PDE2A: variants seen among roughly 807,000 people sequenced by gnomAD.
The protein encoded by PDE2A is phosphodiesterase 2A.
A neutral mutation model predicts 133.6 loss-of-function variants in PDE2A; 53 were observed. The observed-to-expected ratio is 0.40, with a 90% CI of 0.32 to 0.50. The LOEUF is 0.50. PDE2A is among the 20% of genes least tolerant of loss of function. The pLI is 0.73. For missense variants in PDE2A, 796 were observed against 1,232.4 expected, an observed-to-expected ratio of 0.65 and a Z score of 5.30; for synonymous variants, 491 against 490.2, an observed-to-expected ratio of 1.00 and a Z score of -0.02.
intron 23 of PDE2A, 35 bp downstream of exon 23, chr11:72,581,322 T>C: frequency 6.2e-7 from 1 of 1,610,338 alleles, no homozygotes; most frequent in East Asian, 2.2e-5. Context: ...GGGACCCCAG[T>C]GGCTGCCAGA....
chr11:72,606,393 G>A (rs555104190), intron 3 of PDE2A, among the ~76,000 whole-genome samples: 6 of 152,284 alleles, frequency 3.9e-5, no homozygotes, highest in Non-Finnish European at 8.8e-5. Context: ...AGAAGAAGCA[G>A]TTGCCTTCCA....
chr11:72,671,358 C>T (rs77929235), intron 1 of PDE2A, among the ~76,000 whole-genome samples: 110 of 152,302 alleles, frequency 7.2e-4, no homozygotes, highest in African/African-American at 2.6e-3. Context: ...CATGCTGAGT[C>T]GGGAGATTTC....
chr11:72,672,344 C>A (rs1194476020), intron 1 of PDE2A, among the ~76,000 whole-genome samples: 2 of 152,100 alleles, frequency 1.3e-5, no homozygotes, highest in African/African-American at 4.8e-5. Flanking sequence ...CCACCACACC[C>A]AGCTAATTTT....
chr11:72,649,550 T>A (rs925682279), intron 1 of PDE2A, among the ~76,000 whole-genome samples: 1 of 152,246 alleles, frequency 6.6e-6, no homozygotes, highest in Non-Finnish European at 1.5e-5. Context: ...CAGGGACGTC[T>A]GGAAGGTGGG....
Position 72,643,157 on chromosome 11 carries a change from C to T in PDE2A, c.72-831G>A, listed in dbSNP as rs570056769. 6 of 152,392 alleles carry T rather than the reference C, an allele frequency of 3.9e-5. No individual in the cohort carries two copies. The East Asian group carries it at 9.7e-4, about 25-fold the overall frequency. The allele number at this position is 152,392 out of a possible 1,614,324, so 9.4% of individuals were successfully genotyped here. On this transcript the variant is annotated intron_variant, in intron 1 of 30. Transcript: ENST00000334456. ...GGGAGCGCGTTTCTCCGCAGAGCGG[C>T]TTCTGGGTTCAGGAGCCTGCGGCAG...
chr11:72,634,167 C>T (rs527564267), intron 2 of PDE2A, among the ~76,000 whole-genome samples: 2 of 152,202 alleles, frequency 1.3e-5, no homozygotes, highest in African/African-American at 4.8e-5. Flanking sequence ...AGGGAAGGGG[C>T]AGCAGGAGGA....
chr11:72,602,387 T>C (rs1274475172), intron 4 of PDE2A, among the ~76,000 whole-genome samples: 1 of 152,138 alleles, frequency 6.6e-6, no homozygotes, highest in Non-Finnish European at 1.5e-5. Context: ...CTTATCTGTC[T>C]CTATGATCCA....
intron 7 of PDE2A, chr11:72,591,044 T>C: frequency 2.1e-6 from 1 of 481,956 alleles, no homozygotes; most frequent in East Asian, 3.5e-5. Flanking sequence ...TTGGCAACCG[T>C]GTGTATTTAC....
intron 2 of PDE2A, chr11:72,615,187 C>A: frequency 2.3e-6 from 1 of 430,884 alleles, no homozygotes; most frequent in Non-Finnish European, 5.3e-6. Flanking sequence ...CCTGACCCCA[C>A]ACTGTTGGCT....
chr11:72,671,517 G>C (rs1401805442), intron 1 of PDE2A, among the ~76,000 whole-genome samples: 4 of 152,008 alleles, frequency 2.6e-5, no homozygotes, highest in Admixed American at 2.6e-4. Context: ...CCACCATTTG[G>C]CTAGATCCCA....
chr11:72,629,495 G>A (rs1315610110), intron 2 of PDE2A, among the ~76,000 whole-genome samples: 3 of 152,238 alleles, frequency 2.0e-5, no homozygotes, highest in Non-Finnish European at 2.9e-5. Flanking sequence ...GCTCTGGGGG[G>A]AGCCCCGCCC....
At chr11:72,662,347 G>C (rs916575945) in intron 1 of PDE2A, among the ~76,000 whole-genome samples, 1 of 152,176 alleles carries the variant, frequency 6.6e-6, no homozygotes, top group Non-Finnish European at 1.5e-5. Context: ...AGCACCATAA[G>C]GGGGCTGCCC....
At chr11:72,599,565 G>A (rs1476052523) in intron 4 of PDE2A, among the ~76,000 whole-genome samples, 1 of 152,034 alleles carries the variant, frequency 6.6e-6, no homozygotes, top group Non-Finnish European at 1.5e-5. Context: ...CTATGCCCAA[G>A]CCACTGCCCA....
intron 1 of PDE2A, chr11:72,642,538 C>T (rs1859006835): frequency 3.1e-6 from 1 of 318,810 alleles, no homozygotes; most frequent in Non-Finnish European, 4.5e-6. Flanking sequence ...CCCGCCACCG[C>T]GGACCGCACC....
intron 1 of PDE2A, chr11:72,658,332 G>A (rs547884109): frequency 3.3e-4 from 121 of 363,190 alleles, no homozygotes; most frequent in African/African-American, 2.6e-3. Context: ...GCAGCCAGAA[G>A]ACCACCCTCA....
chr11:72,597,664 G>C lies in PDE2A; in HGVS notation c.324-45C>G. 1 of 1,318,362 alleles carries C rather than the reference G, an allele frequency of 7.6e-7. No individual in the cohort carries two copies. The highest frequency in any genetic ancestry group is 1.1e-6 in the Non-Finnish European group (1 of 922,136). The allele number at this position is 1,318,362 out of a possible 1,614,324, so 81.7% of individuals were successfully genotyped here. A position where few individuals can be genotyped will look rare whatever the true frequency, so the allele number is the denominator to read the frequency against. Reference sequence around the variant, plus strand: ...CCACCTTGAGAGCCCCCGACTCAGGGAGGAACGAGGCCTGGCCTGGGAACA... The same window carrying C: ...CCACCTTGAGAGCCCCCGACTCAGGCAGGAACGAGGCCTGGCCTGGGAACA... On this transcript the variant is annotated intron_variant, in intron 4 of 30. Transcript: ENST00000334456. This position sits in a 1 kb window ranked among gnomAD's most constrained non-coding sequence, Gnocchi z 4.6.
At chr11:72,602,069 G>A (rs896596752) in intron 4 of PDE2A, among the ~76,000 whole-genome samples, 2 of 152,144 alleles carry the variant, frequency 1.3e-5, no homozygotes, top group African/African-American at 4.8e-5. Context: ...GAACTGTGGA[G>A]CAGGCTTCCC....
intron 13 of PDE2A, 93 bp from the exon 14 acceptor site, chr11:72,586,274 G>T (rs1000030403): frequency 1.3e-6 from 1 of 761,356 alleles, no homozygotes; most frequent in Non-Finnish European, 2.3e-6. Context: ...GCCCACAGGG[G>T]TACCCACCTG....
chr11:72,616,803 A>C (rs1181448383), intron 2 of PDE2A, among the ~76,000 whole-genome samples: 2 of 152,198 alleles, frequency 1.3e-5, no homozygotes, highest in African/African-American at 4.8e-5. Flanking sequence ...CTCTTCCCCA[A>C]GAGGAGCACT....
Sources: allele counts gnomAD v4.1 joint callset (sites outside exome capture counted in the v4.1 genomes callset), GRCh38; gene constraint gnomAD v4.1.1; non-coding constraint Gnocchi (gnomAD v3.1); transcripts MANE v1.5; gene names NCBI Gene and HGNC (gene_info 2026-07-23, HGNC 2026-07-21).